The following ARB2A variants were observed in gnomAD, a reference collection of about 807,000 sequenced individuals.
The protein encoded by ARB2A is ARB2 cotranscriptional regulator A.
the ARB2A span, among the ~76,000 whole-genome samples, chr5:93,793,013 A>G: frequency 2.0e-5 from 3 of 152,044 alleles, no homozygotes; most frequent in Admixed American, 2.0e-4. Flanking sequence ...ACTGATGCCT[A>G]GAGAGTAAGT....
At chr5:94,080,222 G>A in the ARB2A span, among the ~76,000 whole-genome samples, 1 of 151,800 alleles carries the variant, frequency 6.6e-6, no homozygotes, top group African/African-American at 2.4e-5. Flanking sequence ...TATTATATGA[G>A]GCAATTATGA....
the ARB2A span, among the ~76,000 whole-genome samples, chr5:93,842,006 T>G: frequency 6.6e-6 from 1 of 152,280 alleles, no homozygotes; most frequent in East Asian, 1.9e-4. Context: ...TTTCTGCCAT[T>G]TATTAATCTA....
At chr5:94,089,594 TACACACAC>T in the ARB2A span, among the ~76,000 whole-genome samples, 11,259 of 135,602 alleles carry the variant, frequency 0.083, 530 homozygotes, top group Middle Eastern at 0.12. Context: ...AAACCGTTTA[TACACACAC>T]ACACACACAC....
chr5:93,714,600 G>A, the ARB2A span, among the ~76,000 whole-genome samples: 1 of 152,110 alleles, frequency 6.6e-6, no homozygotes, highest in Non-Finnish European at 1.5e-5. Context: ...CTCATTTTAA[G>A]TTAATTCCAC....
At chr5:93,630,456 G>A in the ARB2A span, among the ~76,000 whole-genome samples, 1 of 152,244 alleles carries the variant, frequency 6.6e-6, no homozygotes, top group African/African-American at 2.4e-5. Flanking sequence ...AAGGCAAGAA[G>A]TCAAGTTTGA....
the ARB2A span, among the ~76,000 whole-genome samples, chr5:93,845,341 G>T: frequency 1.8e-4 from 27 of 152,122 alleles, no homozygotes; most frequent in African/African-American, 4.6e-4. Flanking sequence ...ATTAAGATTT[G>T]AATCTTTGGA....
chr5:93,694,250 C>T, the ARB2A span, among the ~76,000 whole-genome samples: 1 of 152,286 alleles, frequency 6.6e-6, no homozygotes, highest in Non-Finnish European at 1.5e-5. Flanking sequence ...GTCAAATTGT[C>T]TCTGTTTGCA....
At chr5:94,048,320 T>C in the ARB2A span, among the ~76,000 whole-genome samples, 1 of 152,132 alleles carries the variant, frequency 6.6e-6, no homozygotes, top group Non-Finnish European at 1.5e-5. Flanking sequence ...CCCAAAGTGC[T>C]GGTATTACAG....
At chr5:93,809,291 T>A in the ARB2A span, among the ~76,000 whole-genome samples, 1 of 152,072 alleles carries the variant, frequency 6.6e-6, no homozygotes, top group Non-Finnish European at 1.5e-5. Flanking sequence ...ATGCTCACTA[T>A]CTGGGTGACA....
the ARB2A span, among the ~76,000 whole-genome samples, chr5:93,854,718 C>A: frequency 6.6e-6 from 1 of 152,206 alleles, no homozygotes. Flanking sequence ...TTTATGTACC[C>A]AGTAGTCATT....
At chr5:93,827,288 T>C in the ARB2A span, among the ~76,000 whole-genome samples, 7 of 152,290 alleles carry the variant, frequency 4.6e-5, no homozygotes, top group African/African-American at 1.2e-4. Context: ...GATCACCATT[T>C]TAACTGGTGT....
the ARB2A span, among the ~76,000 whole-genome samples, chr5:93,887,063 G>A: frequency 6.6e-6 from 1 of 151,628 alleles, no homozygotes; most frequent in Admixed American, 6.6e-5. Context: ...TTTTTACATA[G>A]CACTTACTCA....
At chr5:94,065,694 T>C in the ARB2A span, among the ~76,000 whole-genome samples, 1 of 152,176 alleles carries the variant, frequency 6.6e-6, no homozygotes, top group Non-Finnish European at 1.5e-5. Flanking sequence ...TCTAAACATA[T>C]ATGCACTCAA....
the ARB2A span, among the ~76,000 whole-genome samples, chr5:93,812,251 G>A: frequency 5.9e-5 from 9 of 152,070 alleles, no homozygotes; most frequent in African/African-American, 2.2e-4. Flanking sequence ...TAGAACAGTG[G>A]TAGAAACTTT....
the ARB2A span, among the ~76,000 whole-genome samples, chr5:93,959,230 T>TA: frequency 1.3e-5 from 2 of 152,108 alleles, no homozygotes; most frequent in South Asian, 4.1e-4. Context: ...TATTATTGTA[T>TA]ATTTAGTATT....
At chr5:94,089,969 T>G in the ARB2A span, among the ~76,000 whole-genome samples, 3 of 152,146 alleles carry the variant, frequency 2.0e-5, no homozygotes, top group South Asian at 6.2e-4. Context: ...TTACTATGAT[T>G]TAATCAATGA....
At chr5:93,873,314 AGAAAG>A in the ARB2A span, among the ~76,000 whole-genome samples, 87 of 32,898 alleles carry the variant, frequency 2.6e-3, no homozygotes, top group East Asian at 4.2e-3. Context: ...GGGGGGGGAA[AGAAAG>A]GAAAGGAAAG....
chr5:93,643,494 T>G, the ARB2A span, among the ~76,000 whole-genome samples: 2 of 152,168 alleles, frequency 1.3e-5, no homozygotes, highest in East Asian at 3.9e-4. Context: ...AGACTTTTTA[T>G]TTATTTATTT....
At chr5:93,963,511 A>G in the ARB2A span, among the ~76,000 whole-genome samples, 1 of 152,042 alleles carries the variant, frequency 6.6e-6, no homozygotes, top group African/African-American at 2.4e-5. Flanking sequence ...CGGAAAATCA[A>G]ATAAAAAGGT....
Sources: gnomAD v4.1 joint callset for allele counts (sites outside exome capture counted in the v4.1 genomes callset) on GRCh38, gnomAD v4.1.1 for gene constraint, MANE v1.5 for transcripts, NCBI Gene and HGNC (gene_info 2026-07-23, HGNC 2026-07-21) for gene names.